The following EYA2 variants were observed in gnomAD, a reference collection of about 807,000 sequenced individuals.
EYA2 encodes EYA transcriptional coactivator and phosphatase 2.
Under a neutral mutation model 69.2 loss-of-function variants are expected in EYA2, and 31 were observed. The observed-to-expected ratio is 0.45, with a 90% CI of 0.34 to 0.60. The LOEUF (loss-of-function observed/expected upper bound fraction) is 0.60, where lower values mean the gene tolerates loss of function less well. EYA2 is among the 20% of genes least tolerant of loss of function. The probability of loss-of-function intolerance (pLI) is 0.02; values close to 1 mark genes in which losing one functional copy is unlikely to be tolerated. For missense variants in EYA2, 622 were observed against 701.2 expected (o/e 0.89, Z 1.28); for synonymous variants, 257 against 279.4 (o/e 0.92, Z 0.80).
At chr20:46,950,601 C>T (rs747210204) in intron 1 of EYA2, among the ~76,000 whole-genome samples, 1 of 152,232 alleles carries the variant, frequency 6.6e-6, no homozygotes, top group Non-Finnish European at 1.5e-5. Context: ...TAAGCAGGCA[C>T]ATGCGCTTCC....
intron 1 of EYA2, among the ~76,000 whole-genome samples, chr20:46,912,061 A>C (rs931032705): frequency 1.3e-5 from 2 of 152,194 alleles, no homozygotes; most frequent in African/African-American, 4.8e-5. Context: ...AATACATACA[A>C]TTGTTATGTA....
chr20:46,912,231 A>G (rs539123827), intron 1 of EYA2, among the ~76,000 whole-genome samples: 2 of 152,302 alleles, frequency 1.3e-5, no homozygotes, highest in African/African-American at 4.8e-5. Flanking sequence ...GTTGCCTACT[A>G]CATGTTCGCA....
intron 10 of EYA2, among the ~76,000 whole-genome samples, chr20:47,148,685 C>G (rs2033758637): frequency 2.0e-5 from 3 of 152,174 alleles, no homozygotes; most frequent in Admixed American, 2.0e-4. Context: ...TTTTGCAGCT[C>G]TTACTTTGCA....
intron 5 of EYA2, among the ~76,000 whole-genome samples, chr20:47,040,127 C>T (rs1361836913): frequency 6.6e-6 from 1 of 152,138 alleles, no homozygotes; most frequent in Non-Finnish European, 1.5e-5. Flanking sequence ...AGGCATGAGC[C>T]ACCGCACCTG....
rs761803191 is a variant in EYA2, at chr20:47,089,299, C to T, written c.722C>T (p.Pro241Leu). Residue 241 changes from proline (P) to leucine (L), a missense_variant, in exon 8 of 16, where the codon CCG becomes CTG. By Grantham distance (98) the Pro-to-Leu change is moderately conservative. This residue lies in a region of EYA2 where 365 missense variants were observed against 349.7 expected (regional missense o/e 1.04). Transcript: ENST00000327619. ...TPAKEGDTDRPHRASDGKLRG... is the reference protein window; with the variant it reads ...TPAKEGDTDRLHRASDGKLRG... ...GCGAAAGAGGGAGACACAGACAGGCCGCACCGGGCCTCCGACGGGAAGCTC... is the reference window on the plus strand; with the variant it reads ...GCGAAAGAGGGAGACACAGACAGGCTGCACCGGGCCTCCGACGGGAAGCTC... 9.9e-6 allele frequency: 16 copies of T among 1,614,008 alleles called. No individual in the cohort carries two copies. Among genetic ancestry groups the T allele is most frequent in the East Asian group, 8.9e-5 (4 of 44,872 alleles).
chr20:47,011,306 A>G (rs1012050216), intron 4 of EYA2, among the ~76,000 whole-genome samples: 3 of 152,178 alleles, frequency 2.0e-5, no homozygotes, highest in Admixed American at 6.5e-5. Context: ...GGGCTGTGCC[A>G]TGTGCCATGG....
intron 2 of EYA2, among the ~76,000 whole-genome samples, chr20:46,992,529 C>A (rs1007717147): frequency 6.6e-6 from 1 of 152,198 alleles, no homozygotes; most frequent in Admixed American, 6.5e-5. Flanking sequence ...AACCCAGGCA[C>A]TCTGGTTCCA....
intron 10 of EYA2, among the ~76,000 whole-genome samples, chr20:47,147,733 C>G (rs1464710977): frequency 6.6e-6 from 1 of 152,152 alleles, no homozygotes; most frequent in Non-Finnish European, 1.5e-5. Context: ...CTTCCAGACT[C>G]CCAGGGGAAA....
At chr20:47,096,984 T>G in intron 8 of EYA2, 101 bp from the exon 9 acceptor site, 1 of 847,974 alleles carries the variant, frequency 1.2e-6, no homozygotes, top group South Asian at 1.5e-5. Flanking sequence ...GATAATGTTT[T>G]TCGAGACTTC....
intron 9 of EYA2, among the ~76,000 whole-genome samples, chr20:47,137,643 A>C (rs1464135956): frequency 6.6e-6 from 1 of 152,352 alleles, no homozygotes; most frequent in East Asian, 1.9e-4. Context: ...GTAGGGCTGC[A>C]TTCAGCAGGC....
At chr20:47,147,054 C>CAT (rs2033716929) in intron 10 of EYA2, among the ~76,000 whole-genome samples, 2 of 112,902 alleles carry the variant, frequency 1.8e-5, no homozygotes, top group Non-Finnish European at 3.5e-5. Flanking sequence ...GCTCCTCTGA[C>CAT]TTTTTTTTTT....
chr20:46,987,946 C>G (rs1334052045), intron 1 of EYA2, among the ~76,000 whole-genome samples: 1 of 41,232 alleles, frequency 2.4e-5, no homozygotes, highest in African/African-American at 1.1e-4. Context: ...CTCTCTCTCT[C>G]TCTCTCTCTC....
At chr20:46,981,120 A>G (rs1980808514) in intron 1 of EYA2, among the ~76,000 whole-genome samples, 1 of 152,204 alleles carries the variant, frequency 6.6e-6, no homozygotes, top group Admixed American at 6.5e-5. Context: ...CTTTGCTCAG[A>G]CTTAAATCTG....
intron 1 of EYA2, among the ~76,000 whole-genome samples, chr20:46,985,238 C>G (rs930865856): frequency 6.6e-6 from 1 of 152,196 alleles, no homozygotes; most frequent in Non-Finnish European, 1.5e-5. Context: ...TTCTTTCCTC[C>G]CTTCCTCCAA....
chr20:47,162,734 G>A (rs1375330629), intron 10 of EYA2, among the ~76,000 whole-genome samples: 4 of 151,876 alleles, frequency 2.6e-5, no homozygotes, highest in African/African-American at 9.7e-5. Context: ...GTCCAGGCTG[G>A]TCTCAAACTC....
At chr20:47,077,660 A>T (rs934345976) in intron 7 of EYA2, among the ~76,000 whole-genome samples, 1 of 152,252 alleles carries the variant, frequency 6.6e-6, no homozygotes, top group Non-Finnish European at 1.5e-5. Context: ...GTTTGATGAC[A>T]AATGGAGACA....
intron 9 of EYA2, among the ~76,000 whole-genome samples, chr20:47,110,726 CAAAT>C (rs1255118830): frequency 2.0e-5 from 3 of 152,210 alleles, no homozygotes; most frequent in Non-Finnish European, 4.4e-5. Flanking sequence ...GTTGAATAAA[CAAAT>C]AAACAAAGGG....
At chr20:46,921,148 T>C (rs992352866) in intron 1 of EYA2, among the ~76,000 whole-genome samples, 1 of 152,154 alleles carries the variant, frequency 6.6e-6, no homozygotes, top group African/African-American at 2.4e-5. Flanking sequence ...TAGGGGCGCC[T>C]TCTCAGTGGG....
intron 1 of EYA2, among the ~76,000 whole-genome samples, chr20:46,977,690 G>A (rs1017822880): frequency 1.3e-5 from 2 of 152,204 alleles, no homozygotes; most frequent in Non-Finnish European, 2.9e-5. Flanking sequence ...CTGTGTTCCT[G>A]ATCCATTTAT....
Sources: gnomAD v4.1 joint callset for allele counts (sites outside exome capture counted in the v4.1 genomes callset) on GRCh38, gnomAD v4.1.1 for gene constraint, gnomAD v4.1.1 regional missense constraint, MANE v1.5 for transcripts, NCBI Gene and HGNC (gene_info 2026-07-23, HGNC 2026-07-21) for gene names.